PLEKHA5: variants seen among roughly 807,000 people sequenced by gnomAD.
PLEKHA5 encodes pleckstrin homology domain-containing family A member 5.
Under a neutral mutation model 181.9 loss-of-function variants are expected in PLEKHA5, and 55 were observed. The ratio of observed to expected loss-of-function variants is 0.30; its 90% CI spans 0.24 to 0.38. The LOEUF (loss-of-function observed/expected upper bound fraction) is 0.38. Ranked by LOEUF, PLEKHA5 falls within the 10% of genes least tolerant of loss-of-function variation. The pLI is 1.00. For missense variants in PLEKHA5, 1,432 were observed against 1,549.5 expected, an observed-to-expected ratio of 0.92 and a Z score of 1.27; for synonymous variants, 535 against 529.4, an observed-to-expected ratio of 1.01 and a Z score of -0.15.
chr12:19,161,929 A>AT (rs1052624697), intron 3 of PLEKHA5, among the ~76,000 whole-genome samples: 69 of 152,286 alleles, frequency 4.5e-4, no homozygotes, highest in African/African-American at 1.6e-3. Context: ...TATAATCTTG[A>AT]TTATATTCAT....
At chr12:19,296,611 C>T (rs1429233806) in intron 15 of PLEKHA5, among the ~76,000 whole-genome samples, 1 of 151,996 alleles carries the variant, frequency 6.6e-6, no homozygotes, top group African/African-American at 2.4e-5. Context: ...ATGCCTTCTT[C>T]AGCAGATCTA....
chr12:19,320,711 T>C, intron 18 of PLEKHA5, 87 bp downstream of exon 18: 1 of 607,784 alleles, frequency 1.6e-6, no homozygotes, highest in East Asian at 2.9e-5. Flanking sequence ...AAAAACTTCT[T>C]TCTCCCAAGT....
intron 8 of PLEKHA5, among the ~76,000 whole-genome samples, chr12:19,268,534 T>G (rs2071366355): frequency 6.6e-6 from 1 of 152,240 alleles, no homozygotes. Flanking sequence ...ATGAGCTGCT[T>G]TACTCCTAAG....
chr12:19,249,258 G>T (rs941387561), intron 3 of PLEKHA5, among the ~76,000 whole-genome samples: 1 of 152,306 alleles, frequency 6.6e-6, no homozygotes, highest in Middle Eastern at 3.4e-3. Flanking sequence ...TTGTACTTTA[G>T]GGGGTGGGGT....
chr12:19,223,270 A>G (rs2059246093), intron 3 of PLEKHA5, among the ~76,000 whole-genome samples: 1 of 152,166 alleles, frequency 6.6e-6, no homozygotes, highest in Non-Finnish European at 1.5e-5. Context: ...GTGGACAGTG[A>G]TCATAAAATC....
chr12:19,274,551 A>C lies in PLEKHA5; in HGVS notation c.881A>C (p.Lys294Thr), dbSNP rs767008774. The change falls in exon 11 of 32, where the codon AAA (lysine) becomes ACA (threonine). Residue 294 changes from lysine (K) to threonine (T), a missense_variant. By Grantham distance (78) the Lys-to-Thr change is moderately conservative (BLOSUM62 -1). Around this residue, in one of 2 missense-constraint regions of PLEKHA5, gnomAD observed 289 missense variants for 381.1 expected, o/e 0.76. Transcript: ENST00000429027. ...DKITSENAPT[K>T]ETNNIPNHRV... ...ATTACATCTGAAAATGCACCAACTA[A>C]AGAAACCAATAACATTCCCAACCAT... The C allele has an allele frequency of 3.0e-5, 49 of 1,610,382 alleles. 1 individual carries two copies. In the South Asian group the frequency reaches 5.3e-4, roughly 17 times the overall value.
Position 19,129,792 on chromosome 12 carries a change from G to T in PLEKHA5, c.-8G>T. Reference sequence around the variant, plus strand: ...GGAGAAGGCGGCGGCGGCGGCTAGGGATCAGACATGGCGGCGGATCTGAAC... The same window carrying T: ...GGAGAAGGCGGCGGCGGCGGCTAGGTATCAGACATGGCGGCGGATCTGAAC... On this transcript the variant is annotated 5_prime_UTR_variant, in exon 1 of 32. Transcript: ENST00000429027. 6.3e-7 allele frequency: 1 copy of T among 1,595,918 alleles called. No homozygotes were observed. The highest frequency in any genetic ancestry group is 1.4e-5 in the African/African-American group (1 of 72,884).
At chr12:19,215,077 TGAGGCAGGAGAATCACTTGAACCTGA>T (rs989915511) in intron 3 of PLEKHA5, among the ~76,000 whole-genome samples, 21 of 151,966 alleles carry the variant, frequency 1.4e-4, no homozygotes, top group African/African-American at 4.6e-4. Context: ...CTCCAGAGGC[TGAGGCAGGAGAATCACTTGAACCTGA>T]GAGGCAGAGG....
intron 20 of PLEKHA5, among the ~76,000 whole-genome samples, chr12:19,327,780 G>A (rs948597589): frequency 7.2e-5 from 11 of 151,854 alleles, no homozygotes; most frequent in Non-Finnish European, 1.3e-4. Flanking sequence ...AAGTAGCTGG[G>A]ATTGTAAATG....
In PLEKHA5 at chr12:19,314,841, A is replaced by G. The variant is rs993584991; in HGVS notation, c.2065A>G (p.Met689Val). 7 of 1,546,930 alleles carry G rather than the reference A, an allele frequency of 4.5e-6. No individual in the cohort carries two copies. In the African/African-American group the frequency reaches 5.5e-5, roughly 12 times the overall value. The change falls in exon 16 of 32, where the codon ATG becomes GTG. Residue 689 changes from methionine to valine, a missense_variant. Met to Val is a conservative substitution (Grantham distance 21). Around this residue, in one of 2 missense-constraint regions of PLEKHA5, gnomAD observed 1,143 missense variants for 1,168.4 expected, o/e 0.98. Coordinates refer to ENST00000429027, the MANE Select transcript of PLEKHA5 (RefSeq NM_001256470.2). ...QMKENEPIIT[M>V]VHTMIENSAL... ...GAAAGAAAATGAACCTATTATCACC[A>G]TGGTTCACACAATGATTGAGAACTC...
intron 15 of PLEKHA5, among the ~76,000 whole-genome samples, chr12:19,302,906 ATTTTTTTTTTTTT>A (rs34702332): frequency 1.5e-4 from 8 of 53,994 alleles, no homozygotes; most frequent in South Asian, 2.6e-3. Context: ...TCTGTATGAA[ATTTTTTTTTTTTT>A]TTTTTTTTTT....
intron 7 of PLEKHA5, among the ~76,000 whole-genome samples, chr12:19,264,207 T>C (rs2069516375): frequency 2.0e-5 from 3 of 152,070 alleles, no homozygotes; most frequent in Admixed American, 1.3e-4. Flanking sequence ...TATCCTCAAT[T>C]TTATAGATGA....
At chr12:19,154,242 A>T (rs1565875243) in intron 3 of PLEKHA5, 2 of 152,164 alleles carry the variant, frequency 1.3e-5, no homozygotes, top group African/African-American at 4.8e-5. Flanking sequence ...ATATCTGTTT[A>T]TCCGTATATT....
intron 15 of PLEKHA5, among the ~76,000 whole-genome samples, chr12:19,311,284 TAATC>T (rs2086423500): frequency 6.6e-6 from 1 of 151,214 alleles, no homozygotes; most frequent in Admixed American, 6.6e-5. Context: ...AAAAAATTTT[TAATC>T]AGCCAGGATT....
chr12:19,231,612 A>ATATTTATATATGTACAC (rs1424318753), intron 3 of PLEKHA5, among the ~76,000 whole-genome samples: 48 of 147,238 alleles, frequency 3.3e-4, no homozygotes, highest in Admixed American at 8.2e-4. Context: ...ATATATATAT[A>ATATTTATATATGTACAC]AATACTCATA....
chr12:19,328,852 T>G (rs555640522), intron 20 of PLEKHA5, among the ~76,000 whole-genome samples: 1 of 152,280 alleles, frequency 6.6e-6, no homozygotes, highest in Non-Finnish European at 1.5e-5. Flanking sequence ...TTGCTCTGAC[T>G]AGGACTTCCA....
intron 8 of PLEKHA5, among the ~76,000 whole-genome samples, chr12:19,268,203 T>C (rs1271401884): frequency 6.6e-6 from 1 of 152,186 alleles, no homozygotes. Context: ...AGTTAACACT[T>C]TGAAAATTTA....
At chr12:19,306,699 C>A (rs377165520) in intron 15 of PLEKHA5, 2 of 1,469,626 alleles carry the variant, frequency 1.4e-6, no homozygotes, top group Non-Finnish European at 1.9e-6. Flanking sequence ...GGACTCTCTT[C>A]GGTTTCCTAG....
intron 3 of PLEKHA5, among the ~76,000 whole-genome samples, chr12:19,192,597 G>C (rs1173581946): frequency 6.6e-6 from 1 of 152,168 alleles, no homozygotes; most frequent in Non-Finnish European, 1.5e-5. Context: ...CAGCCACTCG[G>C]GTGGCTGAGG....
Sources: gnomAD v4.1 joint callset for allele counts (sites outside exome capture counted in the v4.1 genomes callset) on GRCh38, gnomAD v4.1.1 for gene constraint, gnomAD v4.1.1 regional missense constraint, MANE v1.5 for transcripts, NCBI Gene and HGNC (gene_info 2026-07-23, HGNC 2026-07-21) for gene names.